Variants in DPYD observed in about 807,000 individuals in gnomAD.
DPYD encodes the protein dihydropyrimidine dehydrogenase [NADP(+)].
In DPYD, 109 loss-of-function variants were observed where a neutral mutation model predicts 116.2. The ratio of observed to expected loss-of-function variants is 0.94; its 90% CI spans 0.80 to 1.10. DPYD has a LOEUF of 1.10. DPYD is among the 50% of genes least tolerant of loss of function. The pLI, the probability that DPYD is intolerant of heterozygous loss-of-function variation, is 0.00. For missense variants in DPYD, 1,302 were observed against 1,254.5 expected, an observed-to-expected ratio of 1.04 and a Z score of -0.57; for synonymous variants, 440 against 432.0, an observed-to-expected ratio of 1.02 and a Z score of -0.23.
At chr1:97,080,434 C>T (rs1649074581) in intron 22 of DPYD, among the ~76,000 whole-genome samples, 1 of 151,850 alleles carries the variant, frequency 6.6e-6, no homozygotes, top group Admixed American at 6.6e-5. Context: ...TATTTTTTCT[C>T]TTTTATGCAC....
At chr1:97,515,342 A>C (rs982889073) in intron 13 of DPYD, among the ~76,000 whole-genome samples, 2 of 151,970 alleles carry the variant, frequency 1.3e-5, no homozygotes, top group African/African-American at 2.4e-5. Flanking sequence ...TTACACTGAG[A>C]TTCTTTTCAA....
Position 97,606,581 on chromosome 1 carries a change from G to A in DPYD, c.851-11415C>T, listed in dbSNP as rs149778506. Among the ~76,000 whole-genome samples the A allele has an allele frequency of 4.4e-3, 675 of 152,074 alleles. 3 individuals are homozygous for A. Among genetic ancestry groups the A allele is most frequent in the Admixed American group, 7.0e-3 (106 of 15,212 alleles). On this transcript the variant is annotated intron_variant, in intron 8 of 22. Coordinates refer to ENST00000370192, the MANE Select transcript of DPYD (RefSeq NM_000110.4). The stretch of plus-strand genomic sequence containing the variant: ...TGGGGTATGATGAGGGGAGTAGATA[G>A]GAGGAGACAGGAAGAAGCAAAATGC...
intron 11 of DPYD, among the ~76,000 whole-genome samples, chr1:97,564,763 A>G (rs1196688828): frequency 1.3e-5 from 2 of 152,090 alleles, no homozygotes; most frequent in African/African-American, 4.8e-5. Flanking sequence ...CTTGATTCCA[A>G]ATTTTCTCCT....
intron 16 of DPYD, among the ~76,000 whole-genome samples, chr1:97,368,975 C>A (rs1671179086): frequency 6.6e-6 from 1 of 152,082 alleles, no homozygotes; most frequent in Non-Finnish European, 1.5e-5. Context: ...ACAACAACCA[C>A]AACAATACAA....
chr1:97,222,012 G>A (rs968220000), intron 19 of DPYD, among the ~76,000 whole-genome samples: 11 of 152,026 alleles, frequency 7.2e-5, no homozygotes, highest in African/African-American at 2.7e-4. Flanking sequence ...CTCATTTCAA[G>A]TGACACTGAT....
At chr1:97,089,193 C>T (rs1040184018) in intron 21 of DPYD, among the ~76,000 whole-genome samples, 2 of 152,126 alleles carry the variant, frequency 1.3e-5, no homozygotes, top group Admixed American at 6.5e-5. Flanking sequence ...CATTTTCCTA[C>T]GCAGAAATTC....
chr1:97,647,839 T>C (rs1429316676), intron 8 of DPYD, among the ~76,000 whole-genome samples: 1 of 152,036 alleles, frequency 6.6e-6, no homozygotes, highest in Non-Finnish European at 1.5e-5. Flanking sequence ...AAAAAGGAGC[T>C]ACTAAAATAA....
intron 14 of DPYD, among the ~76,000 whole-genome samples, chr1:97,430,155 C>A (rs1005464706): frequency 1.3e-5 from 2 of 152,114 alleles, no homozygotes; most frequent in Admixed American, 1.3e-4. Context: ...TTCCTACTAT[C>A]ATTAAGACTG....
intron 7 of DPYD, among the ~76,000 whole-genome samples, chr1:97,685,294 C>A (rs149250468): frequency 3.9e-4 from 59 of 152,230 alleles, no homozygotes; most frequent in African/African-American, 1.3e-3. Flanking sequence ...ATTCAATATC[C>A]TTTCCTGTTA....
chr1:97,846,700 G>A (rs1479368146), intron 2 of DPYD, among the ~76,000 whole-genome samples: 2 of 152,222 alleles, frequency 1.3e-5, no homozygotes, highest in East Asian at 1.9e-4. Context: ...GTTCAACAAT[G>A]ATAATGTTTG....
intron 3 of DPYD, among the ~76,000 whole-genome samples, chr1:97,779,677 T>G (rs1417141920): frequency 1.3e-5 from 2 of 152,142 alleles, no homozygotes; most frequent in African/African-American, 2.4e-5. Flanking sequence ...AATTTATTTT[T>G]TATCTTTATC....
chr1:97,601,462 G>A (rs1288632927), intron 8 of DPYD, among the ~76,000 whole-genome samples: 1 of 151,916 alleles, frequency 6.6e-6, no homozygotes, highest in Non-Finnish European at 1.5e-5. Context: ...ATAAATATAT[G>A]CATCTATGTA....
chr1:97,083,494 T>C (rs1447374626), intron 21 of DPYD, among the ~76,000 whole-genome samples: 1 of 152,142 alleles, frequency 6.6e-6, no homozygotes, highest in African/African-American at 2.4e-5. Context: ...AGACAAAGTT[T>C]ACATTTTTAT....
At chr1:97,371,881 T>G (rs891787172) in intron 16 of DPYD, among the ~76,000 whole-genome samples, 6 of 152,220 alleles carry the variant, frequency 3.9e-5, no homozygotes, top group Admixed American at 3.9e-4. Flanking sequence ...ATATCATGGT[T>G]TTTGGAACAT....
chr1:97,341,064 T>C (rs528269763), intron 16 of DPYD, among the ~76,000 whole-genome samples: 22 of 152,248 alleles, frequency 1.4e-4, no homozygotes, highest in African/African-American at 4.1e-4. Context: ...CCAAGAGAAA[T>C]TGAAGGAGGA....
intron 18 of DPYD, among the ~76,000 whole-genome samples, chr1:97,284,241 T>C (rs1317979668): frequency 6.6e-6 from 1 of 152,138 alleles, no homozygotes; most frequent in African/African-American, 2.4e-5. Flanking sequence ...TTGACTTTTA[T>C]TTTAATGGAA....
intron 17 of DPYD, 71 bp downstream of exon 17, chr1:97,306,106 A>G: frequency 6.2e-7 from 1 of 1,606,878 alleles, no homozygotes. Context: ...GAAAAGACAT[A>G]CTTGAGTATG....
At chr1:97,242,915 G>T (rs186788974) in intron 18 of DPYD, among the ~76,000 whole-genome samples, 75 of 151,644 alleles carry the variant, frequency 4.9e-4, no homozygotes, top group African/African-American at 1.8e-3. Context: ...TCCTATAAAT[G>T]GTCATCAAAT....
At chr1:97,430,678 G>A (rs1557706676) in intron 14 of DPYD, among the ~76,000 whole-genome samples, 1 of 152,114 alleles carries the variant, frequency 6.6e-6, no homozygotes, top group Non-Finnish European at 1.5e-5. Flanking sequence ...TGCTAAGCAT[G>A]GGGCTTGGCC....
Sources: gnomAD v4.1 joint callset for allele counts (sites outside exome capture counted in the v4.1 genomes callset) on GRCh38, gnomAD v4.1.1 for gene constraint, MANE v1.5 for transcripts, NCBI Gene and HGNC (gene_info 2026-07-23, HGNC 2026-07-21) for gene names.